The following NTM variants were observed in gnomAD, a reference collection of about 807,000 sequenced individuals.
NTM encodes the protein neurotrimin.
Under a neutral mutation model 42.1 loss-of-function variants are expected in NTM, and 13 were observed. That is an observed-to-expected ratio of 0.31 (90% CI 0.20 to 0.49). The LOEUF is 0.49. NTM is among the 20% of genes least tolerant of loss of function. The probability of loss-of-function intolerance (pLI) is 0.99; values close to 1 mark genes in which losing one functional copy is unlikely to be tolerated. For missense variants in NTM, 373 were observed against 452.8 expected (o/e 0.82, Z 1.60); for synonymous variants, 187 against 179.2 (o/e 1.04, Z -0.35).
At chr11:131,767,230 A>G (rs1163586873) in intron 1 of NTM, 1 of 451,006 alleles carries the variant, frequency 2.2e-6, no homozygotes, top group South Asian at 9.5e-5. Flanking sequence ...AAACAATCTT[A>G]CCTCATAGGA....
intron 1 of NTM, among the ~76,000 whole-genome samples, chr11:131,903,011 T>A (rs1468392780): frequency 6.6e-6 from 1 of 151,610 alleles, no homozygotes; most frequent in Non-Finnish European, 1.5e-5. Flanking sequence ...GCAGGATGAG[T>A]CTAAACCATG....
rs183910333 is a variant in NTM, at chr11:131,768,454, C to T, written c.83-143110C>T. Among the ~76,000 whole-genome samples, 125 of 152,194 alleles carry T rather than the reference C, an allele frequency of 8.2e-4. 2 individuals are homozygous for T. Among genetic ancestry groups the T allele is most frequent in the African/African-American group, 2.6e-3 (107 of 41,524 alleles). On this transcript the variant is annotated intron_variant, in intron 1 of 8. Coordinates refer to ENST00000683400, the MANE Select transcript of NTM (RefSeq NM_001352005.2). ...ATTCAGGACTAGTTTGAGCTGAATT[C>T]GGAGCTGAGTCTTGAGTTACGGAAA...
intron 2 of NTM, among the ~76,000 whole-genome samples, chr11:132,074,447 G>A (rs2058098855): frequency 6.6e-6 from 1 of 152,076 alleles, no homozygotes; most frequent in Non-Finnish European, 1.5e-5. Context: ...ATAAAAAAAT[G>A]GATTCTTCCC....
chr11:131,874,030 A>AATATAATATAATATAATAT (rs1491528420), intron 1 of NTM, among the ~76,000 whole-genome samples: 14 of 76,634 alleles, frequency 1.8e-4, no homozygotes, highest in African/African-American at 4.5e-4. Flanking sequence ...AATATAATAT[A>AATATAATATAATATAATAT]ATATATATAT....
intron 1 of NTM, among the ~76,000 whole-genome samples, chr11:131,757,999 A>G (rs2083559814): frequency 6.6e-6 from 1 of 152,240 alleles, no homozygotes; most frequent in Admixed American, 6.5e-5. Flanking sequence ...TCCATTGAAT[A>G]GTCTATGTTT....
chr11:132,088,859 A>G (rs193227905), intron 2 of NTM, among the ~76,000 whole-genome samples: 76 of 152,192 alleles, frequency 5.0e-4, no homozygotes, highest in African/African-American at 1.7e-3. Flanking sequence ...AACTCTGTCA[A>G]TGCAGTCTTT....
At chr11:131,650,432 C>T (rs183577424) in intron 1 of NTM, among the ~76,000 whole-genome samples, 21 of 152,324 alleles carry the variant, frequency 1.4e-4, no homozygotes, top group Non-Finnish European at 2.5e-4. Flanking sequence ...CAGACCTCTG[C>T]TCCAACATGG....
chr11:132,103,878 A>G (rs565157808), intron 2 of NTM, among the ~76,000 whole-genome samples: 201 of 152,338 alleles, frequency 1.3e-3, no homozygotes, highest in African/African-American at 4.7e-3. Flanking sequence ...GAGGGTGGGC[A>G]AATGCCTGTC....
rs140597574 is a variant in NTM, at chr11:131,599,790, G to A, written c.82+228902G>A. On this transcript the variant is annotated intron_variant, in intron 1 of 8. Transcript: ENST00000683400. The stretch of plus-strand genomic sequence containing the variant: ...GGAGTATGTCAGGAAAGGCTTCCCA[G>A]AGAAGTCAAGTCTGCAGCTGACCCA... Among the ~76,000 whole-genome samples the A allele has an allele frequency of 2.6e-3, 399 of 152,310 alleles. 2 individuals carry two copies. Among genetic ancestry groups the A allele is most frequent in the African/African-American group, 9.4e-3 (391 of 41,562 alleles).
chr11:131,670,795 T>C (rs2070058589), intron 1 of NTM, among the ~76,000 whole-genome samples: 1 of 152,190 alleles, frequency 6.6e-6, no homozygotes, highest in Non-Finnish European at 1.5e-5. Flanking sequence ...AGGCCTCAGA[T>C]CTAGGCTAAA....
chr11:132,173,498 G>A (rs1292950699), intron 3 of NTM, among the ~76,000 whole-genome samples: 1 of 152,142 alleles, frequency 6.6e-6, no homozygotes, highest in Non-Finnish European at 1.5e-5. Flanking sequence ...CACTATTCTT[G>A]TTAGTTTACT....
intron 2 of NTM, among the ~76,000 whole-genome samples, chr11:132,117,560 A>C (rs1009183568): frequency 5.3e-5 from 8 of 152,374 alleles, no homozygotes; most frequent in East Asian, 1.9e-4. Context: ...CTAAAGAAGC[A>C]GACCAACCGG....
intron 1 of NTM, among the ~76,000 whole-genome samples, chr11:131,530,425 C>CAAA (rs60376694): frequency 0.067 from 5,645 of 84,842 alleles, 173 homozygotes; most frequent in Middle Eastern, 0.12. Flanking sequence ...GTGCCTTTCT[C>CAAA]AAAAAAAAAA....
chr11:131,815,607 G>A (rs963265728), intron 1 of NTM, among the ~76,000 whole-genome samples: 2 of 152,118 alleles, frequency 1.3e-5, no homozygotes, highest in Admixed American at 1.3e-4. Flanking sequence ...AGGAAAGGGG[G>A]TGGCTTACCC....
intron 5 of NTM, among the ~76,000 whole-genome samples, chr11:132,309,786 G>GT (rs2095222208): frequency 6.6e-6 from 1 of 152,112 alleles, no homozygotes; most frequent in Admixed American, 6.5e-5. Context: ...TGTAGATCAG[G>GT]TGCAGTGCCC....
At chr11:132,033,117 T>C (rs995854155) in intron 2 of NTM, among the ~76,000 whole-genome samples, 16 of 152,324 alleles carry the variant, frequency 1.1e-4, no homozygotes, top group African/African-American at 3.4e-4. Context: ...AGCTTTTTCT[T>C]TGTGCCCACT....
intron 2 of NTM, among the ~76,000 whole-genome samples, chr11:132,112,129 G>A (rs2063293193): frequency 6.6e-6 from 1 of 152,160 alleles, no homozygotes; most frequent in South Asian, 2.1e-4. Flanking sequence ...AAAATGCATA[G>A]CCTTCTTTAT....
chr11:131,475,252 G>A (rs1023062664), intron 1 of NTM, among the ~76,000 whole-genome samples: 1 of 151,982 alleles, frequency 6.6e-6, no homozygotes, highest in African/African-American at 2.4e-5. Context: ...TGAATGGTGG[G>A]GCTTGAGGAA....
intron 1 of NTM, among the ~76,000 whole-genome samples, chr11:131,389,045 AAAAGG>A (rs1565453091): frequency 4.0e-5 from 6 of 150,648 alleles, no homozygotes; most frequent in African/African-American, 7.3e-5. Context: ...AAAAGAAAAG[AAAAGG>A]AAAAAGAAAG....
Sources: gnomAD v4.1 joint callset for allele counts (sites outside exome capture counted in the v4.1 genomes callset) on GRCh38, gnomAD v4.1.1 for gene constraint, MANE v1.5 for transcripts, NCBI Gene and HGNC (gene_info 2026-07-23, HGNC 2026-07-21) for gene names.